Variants in GGT7 observed in about 807,000 individuals in gnomAD.
GGT7 encodes the protein glutathione hydrolase 7.
A neutral mutation model predicts 69.2 loss-of-function variants in GGT7; 30 were observed. The observed-to-expected ratio is 0.43, with a 90% CI of 0.32 to 0.59. The LOEUF is 0.59. Among genes scored for constraint, GGT7 ranks in the 20% least tolerant of loss-of-function variants. The pLI, the probability that GGT7 is intolerant of heterozygous loss-of-function variation, is 0.05. For synonymous variants in GGT7, 388 were observed against 391.8 expected (o/e 0.99, Z 0.12); for missense variants, 733 against 901.1 (o/e 0.81, Z 2.39).
rs1017122351 is a variant in GGT7, at chr20:34,851,455, T to G, written c.1588-87A>C. On this transcript the variant is annotated intron_variant, in intron 12 of 14. Transcript: ENST00000336431. ...CCCTCCACAACCCTTCCAACTGCTC[T>G]CCCTCTTCTACATCTTCCACAGGCC... The G allele has an allele frequency of 9.7e-6, 13 of 1,334,492 alleles. No homozygotes were observed. In the Admixed American group the frequency reaches 2.2e-4, roughly 23 times the overall value. 82.7% of individuals were successfully genotyped at this position (1,334,492 alleles called of 1,614,324 possible). A position where few individuals can be genotyped will look rare whatever the true frequency, so the allele number is the denominator to read the frequency against.
chr20:34,852,370 T>G lies in GGT7; in HGVS notation c.1469+19A>C. On this transcript the variant is annotated intron_variant, in intron 11 of 14. Transcript: ENST00000336431. ...TCAGAGGATCCCTTGTTCCAGGTTC[T>G]GAGTCTGAGCTGGCATACCTAACCA... 5.0e-6 allele frequency: 8 copies of G among 1,613,478 alleles called. No homozygotes were observed. The highest frequency in any genetic ancestry group is 1.3e-5 in the African/African-American group (1 of 75,036).
In GGT7 at chr20:34,845,482, G is replaced by C. The variant is rs1186486585; in HGVS notation, c.1835C>G (p.Thr612Arg). Residue 612 changes from threonine (T) to arginine (R), a missense_variant, in exon 15 of 15, where the codon ACA (threonine) becomes AGA (arginine). Physicochemically the swap from Thr to Arg is moderately conservative, Grantham distance 71. Coordinates refer to ENST00000336431, the MANE Select transcript of GGT7 (RefSeq NM_178026.3). The stretch of plus-strand genomic sequence containing the variant: ...TTCCAGGAACTCAATCTCTTCCTCT[G>C]TGAACTCACCTGAAAACCATCCCCG... Reference protein sequence around the residue: ...SNLLQVDSEFTEEEIEFLEAR... With the variant: ...SNLLQVDSEFREEEIEFLEAR... 6.2e-7 allele frequency: 1 copy of C among 1,613,804 alleles called. No individual in the cohort carries two copies. The highest frequency in any genetic ancestry group is 8.5e-7 in the Non-Finnish European group (1 of 1,179,804).
chr20:34,852,068 A>G (rs1172448233), intron 12 of GGT7, 87 bp downstream of exon 12: 17 of 843,498 alleles, frequency 2.0e-5, no homozygotes, highest in East Asian at 7.3e-5. Context: ...GATTCTGGAG[A>G]AAGTAGGGAG....
At chr20:34,856,984 G>C in intron 7 of GGT7, 91 bp from the exon 8 acceptor site, 1 of 805,850 alleles carries the variant, frequency 1.2e-6, no homozygotes, top group Non-Finnish European at 2.2e-6. Flanking sequence ...CAGATCAGCT[G>C]TTTATAACTT....
At chr20:34,854,367 G>A (rs2079451412) in intron 10 of GGT7, among the ~76,000 whole-genome samples, 164 bp downstream of exon 10, 1 of 152,228 alleles carries the variant, frequency 6.6e-6, no homozygotes, top group Admixed American at 6.5e-5. Flanking sequence ...GATAGGAAAG[G>A]TGAGGTGCAG....
At chr20:34,845,669 G>A (rs1198355346) in intron 14 of GGT7, among the ~76,000 whole-genome samples, 178 bp from the exon 15 acceptor site, 1 of 152,148 alleles carries the variant, frequency 6.6e-6, no homozygotes, top group East Asian at 1.9e-4. Context: ...GATTATATGA[G>A]AACATGAAGT....
At chr20:34,871,190 G>C (rs961423384) in intron 1 of GGT7, among the ~76,000 whole-genome samples, 3 of 152,178 alleles carry the variant, frequency 2.0e-5, no homozygotes, top group Admixed American at 2.0e-4. Context: ...CATAGATTTT[G>C]GTAAATGCTA....
In GGT7 at chr20:34,862,802, A is replaced by C. The variant is rs1392201551; in HGVS notation, c.557+12T>G. 1 of 1,613,964 alleles carries C rather than the reference A, an allele frequency of 6.2e-7. No homozygotes were observed. Among genetic ancestry groups the C allele is most frequent in the Admixed American group, 1.7e-5 (1 of 60,018 alleles). On this transcript the variant is annotated intron_variant, in intron 3 of 14. Coordinates refer to ENST00000336431, the MANE Select transcript of GGT7 (RefSeq NM_178026.3). Reference sequence around the variant, plus strand: ...GTAGGCCTGGGGGACCCCGACCTCCACTGCTCCTTACCCGCCCAGGCCAGA... The same window carrying C: ...GTAGGCCTGGGGGACCCCGACCTCCCCTGCTCCTTACCCGCCCAGGCCAGA...
At chr20:34,861,885 AC>A (rs1351240497) in intron 3 of GGT7, among the ~76,000 whole-genome samples, 2 of 151,982 alleles carry the variant, frequency 1.3e-5, no homozygotes, top group Non-Finnish European at 2.9e-5. Context: ...CCAGAGCTGG[AC>A]CCCTGCCAGC....
chr20:34,864,168 G>A (rs1456379210), intron 1 of GGT7, among the ~76,000 whole-genome samples: 1 of 152,142 alleles, frequency 6.6e-6, no homozygotes, highest in Non-Finnish European at 1.5e-5. Flanking sequence ...ATGGTGGTAG[G>A]GGAGGGAGGA....
At chr20:34,859,413 T>C in intron 7 of GGT7, 30 bp downstream of exon 7, 1 of 1,527,270 alleles carries the variant, frequency 6.5e-7, no homozygotes. Context: ...CCTTGGGGCA[T>C]GCCCCCACCC....
rs1316844164 is a variant in GGT7 at position 34,856,852 on chromosome 20, G to A, written c.1056C>T (p.Ser352=). 1 of 1,612,342 alleles carries A rather than the reference G, an allele frequency of 6.2e-7. No individual in the cohort carries two copies. The highest frequency in any genetic ancestry group is 1.6e-4 in the Middle Eastern group (1 of 6,062). The change falls in exon 8 of 15, where the codon AGC becomes AGT. Residue 352 remains serine (S), a synonymous_variant. Coordinates refer to ENST00000336431, the MANE Select transcript of GGT7 (RefSeq NM_178026.3). ...GCTTCTCCACAAGGGCGCTGTAATT[G>A]CTGAAGTCCTCTTCGGTTATGACAC... ...AGGVITEEDF[S]NYSALVEKPV... is the part of the protein sequence containing the mutation.
chr20:34,852,972 T>TA (rs1259583393), intron 10 of GGT7, among the ~76,000 whole-genome samples: 1 of 152,024 alleles, frequency 6.6e-6, no homozygotes, highest in African/African-American at 2.4e-5. Context: ...CCTAATGAGA[T>TA]AGAGTTTTTC....
intron 1 of GGT7, among the ~76,000 whole-genome samples, chr20:34,869,163 A>AT (rs1555876554): frequency 0.018 from 2,708 of 149,842 alleles, 85 homozygotes; most frequent in African/African-American, 0.063. Flanking sequence ...TAAATAAATA[A>AT]ATATATATAT....
Position 34,854,413 on chromosome 20 carries a change from T to C in GGT7, c.1319+118A>G. The C allele has an allele frequency of 6.3e-6, 4 of 636,992 alleles. No individual in the cohort carries two copies. The South Asian group carries it at 7.5e-5, about 12-fold the overall frequency. 39.5% of individuals were successfully genotyped at this position (636,992 alleles called of 1,614,324 possible). Reference sequence around the variant, plus strand: ...CCAGTGTCACGTTGTGAGTTGGGGTTGAGCTGAAATTGACTTAGGATTTCA... The same window carrying C: ...CCAGTGTCACGTTGTGAGTTGGGGTCGAGCTGAAATTGACTTAGGATTTCA... On this transcript the variant is annotated intron_variant, in intron 10 of 14. Coordinates refer to ENST00000336431, the MANE Select transcript of GGT7 (RefSeq NM_178026.3).
chr20:34,849,063 C>G (rs190063531), intron 14 of GGT7, among the ~76,000 whole-genome samples: 79 of 152,212 alleles, frequency 5.2e-4, no homozygotes, highest in African/African-American at 1.5e-3. Context: ...TTTTAGTCCT[C>G]AAACTCACCA....
chr20:34,848,557 C>A (rs183560500), intron 14 of GGT7, among the ~76,000 whole-genome samples: 3 of 152,356 alleles, frequency 2.0e-5, no homozygotes, highest in East Asian at 1.9e-4. Flanking sequence ...AAGGATGTGG[C>A]CTTGTCATCT....
At chr20:34,862,770 G>A in intron 3 of GGT7, 44 bp downstream of exon 3, 1 of 1,602,284 alleles carries the variant, frequency 6.2e-7, no homozygotes, top group African/African-American at 1.3e-5. Context: ...AGACCTGGAG[G>A]CAAGAAGTAG....
Position 34,861,530 on chromosome 20 carries a change from C to T in GGT7, c.590G>A (p.Arg197Gln), listed in dbSNP as rs199747158. 1.1e-4 allele frequency: 170 copies of T among 1,523,286 alleles called. 1 individual carries two copies. The highest frequency in any genetic ancestry group is 1.5e-4 in the South Asian group (12 of 80,716). 94.4% of individuals were successfully genotyped at this position (1,523,286 alleles called of 1,614,324 possible). ...GAAATCAATTAGGTGGCTCTCATTT[C>T]GTCGGATGTCATGTACCAGCATCAC... The part of the protein sequence containing the change: ...GGVMLVHDIR[R>Q]NESHLIDFRE... Residue 197 changes from arginine (R) to glutamine (Q), a missense_variant, in exon 4 of 15, where the codon CGA becomes CAA. Coordinates refer to ENST00000336431, the MANE Select transcript of GGT7 (RefSeq NM_178026.3).
Sources: gnomAD v4.1 joint callset for allele counts (sites outside exome capture counted in the v4.1 genomes callset) on GRCh38, gnomAD v4.1.1 for gene constraint, MANE v1.5 for transcripts, NCBI Gene and HGNC (gene_info 2026-07-23, HGNC 2026-07-21) for gene names.